NLGN4X: variants seen among roughly 807,000 people sequenced by gnomAD.
NLGN4X encodes the protein neuroligin 4 X-linked.
NLGN4X carries 3 observed loss-of-function variants against 40.3 expected under a neutral mutation model. The observed-to-expected ratio is 0.07, with a 90% CI of 0.03 to 0.19. The LOEUF is 0.19. Among genes scored for constraint, NLGN4X ranks in the 10% least tolerant of loss-of-function variants. NLGN4X has a pLI of 1.00. For synonymous variants in NLGN4X, 270 were observed against 306.8 expected, an observed-to-expected ratio of 0.88 and a Z score of 1.25; for missense variants, 382 against 708.3, an observed-to-expected ratio of 0.54 and a Z score of 5.23.
chrX:6,157,953 C>T (rs1400434262), intron 1 of NLGN4X, among the ~76,000 whole-genome samples: 1 of 112,069 alleles, frequency 8.9e-6, no homozygotes, highest in Non-Finnish European at 1.9e-5. Flanking sequence ...ATGAAGGTAT[C>T]TATCCCTACC....
At chrX:6,018,951 GATT>G (rs758551570) in intron 3 of NLGN4X, among the ~76,000 whole-genome samples, 46 of 112,288 alleles carry the variant, frequency 4.1e-4, no homozygotes, top group African/African-American at 1.4e-3. Flanking sequence ...TCAAAAAAGC[GATT>G]ATTATTATTT....
intron 2 of NLGN4X, among the ~76,000 whole-genome samples, chrX:6,055,639 AAAT>A (rs1041483395): frequency 8.2e-4 from 73 of 89,172 alleles, no homozygotes; most frequent in African/African-American, 2.3e-3. Context: ...GAAATTTTAA[AAAT>A]AATAATAAAA....
intron 1 of NLGN4X, among the ~76,000 whole-genome samples, chrX:6,185,959 C>T (rs1015676339): frequency 8.9e-6 from 1 of 112,341 alleles, no homozygotes; most frequent in Non-Finnish European, 1.9e-5. Context: ...CCAGGCCCCA[C>T]TCATCCATAC....
intron 1 of NLGN4X, among the ~76,000 whole-genome samples, chrX:6,172,217 G>C (rs2040621723): frequency 8.9e-6 from 1 of 112,166 alleles, no homozygotes; most frequent in Non-Finnish European, 1.9e-5. Flanking sequence ...TTGTTCTTCT[G>C]AAATCTCGCA....
chrX:5,982,764 G>A (rs1031638127), intron 3 of NLGN4X, among the ~76,000 whole-genome samples: 7 of 112,008 alleles, frequency 6.2e-5, no homozygotes, highest in African/African-American at 2.3e-4. Context: ...AGGGTGAGGT[G>A]GGAGGAAGTC....
chrX:6,064,689 C>T (rs1311959424), intron 2 of NLGN4X, among the ~76,000 whole-genome samples: 2 of 111,200 alleles, frequency 1.8e-5, no homozygotes, highest in Non-Finnish European at 3.8e-5. Context: ...GGGAGAGAAT[C>T]AGGAGATCGA....
chrX:6,179,050 G>GC (rs1921114410), intron 1 of NLGN4X, among the ~76,000 whole-genome samples: 1 of 88,372 alleles, frequency 1.1e-5, no homozygotes, highest in Non-Finnish European at 2.2e-5. Flanking sequence ...AGTGAGCTAT[G>GC]ATTGTACTAC....
intron 2 of NLGN4X, among the ~76,000 whole-genome samples, chrX:6,116,112 T>C (rs1196959219): frequency 1.9e-5 from 2 of 106,249 alleles, no homozygotes; most frequent in East Asian, 3.0e-4. Flanking sequence ...GCTAACACGG[T>C]GAAACCCCGT....
At chrX:5,995,402 T>C (rs1362152244) in intron 3 of NLGN4X, among the ~76,000 whole-genome samples, 2 of 112,463 alleles carry the variant, frequency 1.8e-5, no homozygotes, top group Non-Finnish European at 1.9e-5. Context: ...TCCTGACCTA[T>C]ACAGCAAAGC....
intron 2 of NLGN4X, among the ~76,000 whole-genome samples, chrX:6,097,800 C>A (rs1267550264): frequency 9.0e-6 from 1 of 111,250 alleles, no homozygotes; most frequent in Admixed American, 9.6e-5. Context: ...AATCCAAACT[C>A]AGGCTTAAAA....
intron 2 of NLGN4X, among the ~76,000 whole-genome samples, chrX:6,096,975 G>T (rs868642857): frequency 2.0e-5 from 2 of 101,098 alleles, no homozygotes; most frequent in Non-Finnish European, 4.0e-5. Context: ...GTGTGTGTGT[G>T]TTTTCTATCT....
chrX:6,135,969 T>C (rs765709274), intron 2 of NLGN4X, among the ~76,000 whole-genome samples: 4 of 112,614 alleles, frequency 3.6e-5, no homozygotes, highest in Non-Finnish European at 7.5e-5. Context: ...TGTTCCTAAG[T>C]AATTAAGGAT....
intron 3 of NLGN4X, among the ~76,000 whole-genome samples, chrX:5,938,801 T>G (rs1291596625): frequency 8.9e-6 from 1 of 111,780 alleles, no homozygotes; most frequent in African/African-American, 3.3e-5. Context: ...CTTAATAATC[T>G]ATGCATATTT....
At chrX:6,040,693 A>C (rs1275361541) in intron 2 of NLGN4X, among the ~76,000 whole-genome samples, 1 of 111,859 alleles carries the variant, frequency 8.9e-6, no homozygotes, top group Non-Finnish European at 1.9e-5. Context: ...TTACATGCCA[A>C]GTTTTATATC....
At chrX:6,211,690 T>C (rs1175048791) in intron 1 of NLGN4X, among the ~76,000 whole-genome samples, 1 of 111,912 alleles carries the variant, frequency 8.9e-6, no homozygotes, top group Non-Finnish European at 1.9e-5. Context: ...CATACAAAGA[T>C]GTGATCTACA....
At chrX:6,184,548 G>C (rs1280749886) in intron 1 of NLGN4X, among the ~76,000 whole-genome samples, 2 of 100,124 alleles carry the variant, frequency 2.0e-5, no homozygotes, top group East Asian at 6.0e-4. Flanking sequence ...GCTGGGGGGG[G>C]TGGGGAATCT....
At chrX:6,176,115 A>G (rs915149093) in intron 1 of NLGN4X, among the ~76,000 whole-genome samples, 7 of 111,220 alleles carry the variant, frequency 6.3e-5, no homozygotes, top group Non-Finnish European at 1.3e-4. Flanking sequence ...CTGCTGGCCA[A>G]AGGGTAAGAA....
intron 2 of NLGN4X, among the ~76,000 whole-genome samples, chrX:6,072,883 G>T (rs772872413): frequency 8.9e-5 from 10 of 112,086 alleles, no homozygotes; most frequent in Non-Finnish European, 1.7e-4. Flanking sequence ...CCAGCAGCCC[G>T]AATTAAGTCC....
chrX:6,065,103 G>C (rs2037876272), intron 2 of NLGN4X, among the ~76,000 whole-genome samples: 1 of 109,962 alleles, frequency 9.1e-6, no homozygotes, highest in African/African-American at 3.3e-5. Flanking sequence ...TAAACACAAG[G>C]GTCTACTTCA....
Sources: allele counts gnomAD v4.1 joint callset (sites outside exome capture counted in the v4.1 genomes callset), GRCh38; gene constraint gnomAD v4.1.1; transcripts MANE v1.5; gene names NCBI Gene and HGNC (gene_info 2026-07-23, HGNC 2026-07-21).